MAMDC2: variants seen among roughly 807,000 people sequenced by gnomAD.
MAMDC2 encodes MAM domain containing 2, also known as MAM domain-containing protein 2.
In MAMDC2, 57 loss-of-function variants were observed where a neutral mutation model predicts 89.8. That is an observed-to-expected ratio of 0.63 (90% CI 0.51 to 0.79). The LOEUF (loss-of-function observed/expected upper bound fraction) is 0.79. Among genes scored for constraint, MAMDC2 ranks in the 30% least tolerant of loss-of-function variants. MAMDC2 has a pLI of 0.00. For synonymous variants in MAMDC2, 313 were observed against 293.4 expected, an observed-to-expected ratio of 1.07 and a Z score of -0.68; for missense variants, 800 against 820.6, an observed-to-expected ratio of 0.97 and a Z score of 0.31.
At chr9:70,163,523 G>A (rs2032057798) in intron 9 of MAMDC2, among the ~76,000 whole-genome samples, 1 of 152,058 alleles carries the variant, frequency 6.6e-6, no homozygotes, top group South Asian at 2.1e-4. Flanking sequence ...CACTGTGCCT[G>A]GCCCATATTT....
At chr9:70,144,144 CTCTCTCTT>C (rs1357879364) in intron 9 of MAMDC2, among the ~76,000 whole-genome samples, 4 of 152,218 alleles carry the variant, frequency 2.6e-5, no homozygotes, top group African/African-American at 9.6e-5. Flanking sequence ...ATAATTCTCT[CTCTCTCTT>C]TTTCTTTCCC....
intron 2 of MAMDC2, chr9:70,083,425 G>A (rs918161878): frequency 6.6e-6 from 1 of 152,000 alleles, no homozygotes; most frequent in Non-Finnish European, 1.5e-5. Context: ...TATAGCTAAA[G>A]CAATTAAGGG....
At chr9:70,078,860 C>T (rs1410536732) in intron 2 of MAMDC2, among the ~76,000 whole-genome samples, 1 of 152,070 alleles carries the variant, frequency 6.6e-6, no homozygotes, top group Admixed American at 6.6e-5. Context: ...GTCCTGCCAA[C>T]AAAAATCCTC....
chr9:70,193,909 G>C (rs2032930386), intron 11 of MAMDC2: 1 of 152,074 alleles, frequency 6.6e-6, no homozygotes, highest in African/African-American at 2.4e-5. Flanking sequence ...AAATAAAGGG[G>C]AGAGGCCTAC....
intron 5 of MAMDC2, among the ~76,000 whole-genome samples, chr9:70,120,033 C>A (rs1354104270): frequency 6.6e-6 from 1 of 152,150 alleles, no homozygotes; most frequent in African/African-American, 2.4e-5. Context: ...GTATGCCCTA[C>A]CAGCTCCCTT....
chr9:70,082,447 T>C (rs1379655586), intron 2 of MAMDC2, among the ~76,000 whole-genome samples: 1 of 152,150 alleles, frequency 6.6e-6, no homozygotes, highest in Non-Finnish European at 1.5e-5. Flanking sequence ...TAATATAATT[T>C]GCCCATGGAA....
At chr9:70,123,964 A>C (rs963606122) in intron 5 of MAMDC2, among the ~76,000 whole-genome samples, 1 of 152,178 alleles carries the variant, frequency 6.6e-6, no homozygotes, top group African/African-American at 2.4e-5. Flanking sequence ...GAAGCCTCCC[A>C]CTTTGCAGTA....
chr9:70,059,480 A>T (rs1444716205), intron 2 of MAMDC2, among the ~76,000 whole-genome samples: 1 of 152,106 alleles, frequency 6.6e-6, no homozygotes, highest in Admixed American at 6.6e-5. Context: ...CTCTTCTTTC[A>T]TGACCCCCTC....
chr9:70,142,146 G>T (rs1044635725), intron 8 of MAMDC2, among the ~76,000 whole-genome samples: 8 of 152,166 alleles, frequency 5.3e-5, no homozygotes, highest in Non-Finnish European at 7.4e-5. Flanking sequence ...ATAGAGGGAA[G>T]AATCTAATTT....
At chr9:70,104,145 A>T (rs1828272956) in intron 2 of MAMDC2, among the ~76,000 whole-genome samples, 1 of 152,240 alleles carries the variant, frequency 6.6e-6, no homozygotes, top group African/African-American at 2.4e-5. Flanking sequence ...ATTTGAACAG[A>T]CATTTTTCCA....
intron 2 of MAMDC2, among the ~76,000 whole-genome samples, chr9:70,059,691 A>G (rs1476124142): frequency 6.6e-6 from 1 of 152,196 alleles, no homozygotes; most frequent in Non-Finnish European, 1.5e-5. Flanking sequence ...TTTTGGCCTC[A>G]ATCCTTGAAA....
intron 9 of MAMDC2, among the ~76,000 whole-genome samples, chr9:70,155,759 C>G (rs1036138151): frequency 1.3e-5 from 2 of 152,196 alleles, no homozygotes; most frequent in Admixed American, 6.5e-5. Flanking sequence ...CCTTCCTCCT[C>G]CAATGCTCCC....
intron 7 of MAMDC2, among the ~76,000 whole-genome samples, chr9:70,136,879 T>G (rs1232612355): frequency 1.3e-5 from 2 of 152,216 alleles, no homozygotes; most frequent in Non-Finnish European, 2.9e-5. Flanking sequence ...CTTGTTCATG[T>G]AACATCTTGT....
chr9:70,044,421 G>C (rs1424962509), intron 1 of MAMDC2, among the ~76,000 whole-genome samples, 163 bp from the exon 2 acceptor site: 1 of 152,188 alleles, frequency 6.6e-6, no homozygotes, highest in Non-Finnish European at 1.5e-5. Context: ...GGGTCGCTCA[G>C]TGGAGGCGCC....
Position 70,113,054 on chromosome 9 carries a change from A to G in MAMDC2, c.565A>G (p.Asn189Asp). 1 of 1,614,092 alleles carries G rather than the reference A, an allele frequency of 6.2e-7. No individual in the cohort carries two copies. The highest frequency in any genetic ancestry group is 8.5e-7 in the Non-Finnish European group (1 of 1,179,982). The change falls in exon 5 of 14, where the codon AAC becomes GAC. Residue 189 changes from asparagine to aspartate, a missense_variant. By Grantham distance (23) the Asn-to-Asp change is conservative. Transcript: ENST00000377182. ...GFVNRWNPNV[N>D]WFVGGGSIRN... is the part of the protein sequence containing the mutation. ...TGTGAACCGCTGGAATCCCAATGTG[A>G]ACTGGTTTGTTGGAGGAGGAAGTAT...
chr9:70,091,062 G>A (rs1827888924), intron 2 of MAMDC2, among the ~76,000 whole-genome samples: 1 of 152,200 alleles, frequency 6.6e-6, no homozygotes, highest in African/African-American at 2.4e-5. Context: ...TATATCTAAA[G>A]ATATGTTTGT....
chr9:70,054,230 C>T lies in MAMDC2; in HGVS notation c.148+9533C>T, dbSNP rs76047871. On this transcript the variant is annotated intron_variant, in intron 2 of 13. Transcript: ENST00000377182. Reference sequence around the variant, plus strand: ...AGCAGAAAGGTAGTAGTTAAAATTACGAGCAGAGATGATATCACCCAAGGA... The same window carrying T: ...AGCAGAAAGGTAGTAGTTAAAATTATGAGCAGAGATGATATCACCCAAGGA... Among the ~76,000 whole-genome samples, 121 of 152,062 alleles carry T rather than the reference C, an allele frequency of 8.0e-4. No individual in the cohort carries two copies. The South Asian group carries it at 0.017, about 22-fold the overall frequency.
intron 9 of MAMDC2, among the ~76,000 whole-genome samples, chr9:70,152,213 T>C (rs1301373410): frequency 6.6e-6 from 1 of 152,222 alleles, no homozygotes; most frequent in Non-Finnish European, 1.5e-5. Context: ...GGGCTGCTTA[T>C]TAATAACCCC....
chr9:70,097,861 G>T (rs1426612276), intron 2 of MAMDC2, among the ~76,000 whole-genome samples: 1 of 152,122 alleles, frequency 6.6e-6, no homozygotes, highest in East Asian at 1.9e-4. Flanking sequence ...TTCATTGAAT[G>T]AAAATGAAAA....
Sources: allele counts gnomAD v4.1 joint callset (sites outside exome capture counted in the v4.1 genomes callset), GRCh38; gene constraint gnomAD v4.1.1; transcripts MANE v1.5; gene names NCBI Gene and HGNC (gene_info 2026-07-23, HGNC 2026-07-21).